Variants in CFAP47 observed in about 807,000 individuals in gnomAD.
CFAP47 encodes the protein cilia and flagella associated protein 47, also known as cilia- and flagella-associated protein 47.
A neutral mutation model predicts 148.1 loss-of-function variants in CFAP47; 29 were observed. The ratio of observed to expected loss-of-function variants is 0.20; its 90% CI spans 0.15 to 0.27. The LOEUF is 0.27. Ranked by LOEUF, CFAP47 falls within the 10% of genes least tolerant of loss-of-function variation. The pLI is 1.00. For missense variants in CFAP47, 1,872 were observed against 1,697.5 expected, an observed-to-expected ratio of 1.10 and a Z score of -1.81; for synonymous variants, 664 against 577.3, an observed-to-expected ratio of 1.15 and a Z score of -2.15.
At chrX:36,181,085 T>A (rs1351649518) in intron 40 of CFAP47, among the ~76,000 whole-genome samples, 1 of 112,027 alleles carries the variant, frequency 8.9e-6, no homozygotes, top group Non-Finnish European at 1.9e-5. Flanking sequence ...TCACTTTAAT[T>A]GTGTAAAATT....
intron 39 of CFAP47, among the ~76,000 whole-genome samples, chrX:36,170,387 G>T (rs983563697): frequency 2.9e-4 from 32 of 110,488 alleles, no homozygotes; most frequent in Non-Finnish European, 5.3e-4. Context: ...ATGCTGGTGC[G>T]CTGCACCCAC....
intron 29 of CFAP47, among the ~76,000 whole-genome samples, chrX:36,084,265 C>T (rs949101386): frequency 1.8e-5 from 2 of 111,012 alleles, no homozygotes; most frequent in African/African-American, 6.5e-5. Context: ...GCTTATTGTT[C>T]ATTTTAGTTT....
At chrX:36,096,637 C>CT (rs1026635440) in intron 30 of CFAP47, among the ~76,000 whole-genome samples, 3 of 109,633 alleles carry the variant, frequency 2.7e-5, no homozygotes, top group Non-Finnish European at 3.8e-5. Context: ...TTGAAATCTA[C>CT]TTTTTTTTGA....
intron 57 of CFAP47, among the ~76,000 whole-genome samples, chrX:36,339,474 C>T (rs1556015400): frequency 9.0e-6 from 1 of 111,718 alleles, no homozygotes; most frequent in Non-Finnish European, 1.9e-5. Flanking sequence ...AGTTTCTTAA[C>T]AATGTTTTAA....
intron 49 of CFAP47, among the ~76,000 whole-genome samples, chrX:36,252,800 A>T (rs1159601403): frequency 8.9e-6 from 1 of 111,880 alleles, no homozygotes; most frequent in African/African-American, 3.2e-5. Context: ...AGTCATTCAG[A>T]ATTGGTATAA....
At chrX:36,340,060 C>T (rs1941640096) in intron 57 of CFAP47, among the ~76,000 whole-genome samples, 1 of 111,820 alleles carries the variant, frequency 8.9e-6, no homozygotes, top group Non-Finnish European at 1.9e-5. Context: ...CATTAGCTAG[C>T]TCTACGAAAG....
At chrX:36,024,554 A>C (rs1308093626) in intron 22 of CFAP47, among the ~76,000 whole-genome samples, 1 of 111,092 alleles carries the variant, frequency 9.0e-6, no homozygotes, top group African/African-American at 3.3e-5. Flanking sequence ...ACTGCCTTTC[A>C]ATTTTATCTA....
intron 48 of CFAP47, among the ~76,000 whole-genome samples, chrX:36,245,289 G>A (rs1940601131): frequency 9.0e-6 from 1 of 111,558 alleles, no homozygotes; most frequent in African/African-American, 3.3e-5. Flanking sequence ...AGCCAAGGAT[G>A]CCAAATTTCA....
At chrX:36,163,530 TA>T (rs1285499224) in intron 39 of CFAP47, among the ~76,000 whole-genome samples, 1 of 111,557 alleles carries the variant, frequency 9.0e-6, no homozygotes, top group African/African-American at 3.3e-5. Context: ...CATTTTTATC[TA>T]CATATTTCTC....
At chrX:36,234,245 G>C (rs1426438916) in intron 46 of CFAP47, among the ~76,000 whole-genome samples, 1 of 110,523 alleles carries the variant, frequency 9.0e-6, no homozygotes, top group Non-Finnish European at 1.9e-5. Flanking sequence ...GTCACTTTCA[G>C]GTACACCAAT....
chrX:36,010,511 G>A (rs1937027300), intron 21 of CFAP47, among the ~76,000 whole-genome samples: 1 of 104,889 alleles, frequency 9.5e-6, no homozygotes, highest in African/African-American at 3.5e-5. Context: ...AGGCTGGAGT[G>A]CAGTGGCATG....
chrX:36,228,451 T>G (rs138312780), intron 45 of CFAP47, among the ~76,000 whole-genome samples, 177 bp from the exon 46 acceptor site: 1,548 of 111,169 alleles, frequency 0.014, 26 homozygotes, highest in African/African-American at 0.048. Flanking sequence ...TATACTCTAA[T>G]TGATAAATAA....
chrX:36,144,245 T>G (rs765504471), intron 35 of CFAP47, among the ~76,000 whole-genome samples: 34 of 111,215 alleles, frequency 3.1e-4, no homozygotes, highest in African/African-American at 1.1e-3. Context: ...ATTTCTAGAG[T>G]GTAGTGTTCT....
chrX:36,342,930 T>A (rs1274123939), intron 57 of CFAP47, among the ~76,000 whole-genome samples: 1 of 111,279 alleles, frequency 9.0e-6, no homozygotes, highest in Non-Finnish European at 1.9e-5. Context: ...CCCACATGCA[T>A]TAGATATTTG....
chrX:36,344,814 TA>T (rs782409903), intron 57 of CFAP47, among the ~76,000 whole-genome samples: 1 of 112,238 alleles, frequency 8.9e-6, no homozygotes, highest in African/African-American at 3.2e-5. Context: ...TTGCTGTTTT[TA>T]TCTGAACATA....
chrX:36,138,379 G>A lies in CFAP47; in HGVS notation c.5450G>A (p.Arg1817Gln), dbSNP rs1939081905. The change falls in exon 35 of 64, where the codon CGA (arginine) becomes CAA (glutamine). Residue 1817 changes from arginine to glutamine, a missense_variant. Physicochemically the swap from Arg to Gln is conservative, Grantham distance 43. Coordinates refer to ENST00000378653, the MANE Select transcript of CFAP47 (RefSeq NM_001304548.2). The stretch of plus-strand genomic sequence containing the variant: ...TCTCATTTTATAAATATGTACACAC[G>A]ACCAAAAAGTCCTGAAGAGTATCTG... ...IESHFINMYT[R>Q]PKSPEEYLHN... 4.4e-6 allele frequency: 5 copies of A among 1,147,298 alleles called. No individual in the cohort carries two copies. The highest frequency in any genetic ancestry group is 3.2e-5 in the East Asian group (1 of 30,845). 94.6% of individuals were successfully genotyped at this position (1,147,298 alleles called of 1,213,427 possible).
At chrX:35,974,956 G>C (rs1406141467) in intron 13 of CFAP47, among the ~76,000 whole-genome samples, 191 bp from the exon 14 acceptor site, 2 of 110,884 alleles carry the variant, frequency 1.8e-5, no homozygotes, top group African/African-American at 6.5e-5. Flanking sequence ...AGCCAATAAT[G>C]TCCAAACATT....
intron 61 of CFAP47, among the ~76,000 whole-genome samples, chrX:36,364,238 C>A (rs1336799308): frequency 9.0e-6 from 1 of 110,665 alleles, no homozygotes; most frequent in Non-Finnish European, 1.9e-5. Context: ...GACTCAGCAA[C>A]TTCTCATTAA....
intron 22 of CFAP47, among the ~76,000 whole-genome samples, chrX:36,018,240 A>T (rs1021248869): frequency 4.5e-5 from 5 of 111,900 alleles, no homozygotes; most frequent in African/African-American, 1.6e-4. Flanking sequence ...TGAATTTGTC[A>T]TTTATAATAT....
Sources: allele counts gnomAD v4.1 joint callset (sites outside exome capture counted in the v4.1 genomes callset), GRCh38; gene constraint gnomAD v4.1.1; transcripts MANE v1.5; gene names NCBI Gene and HGNC (gene_info 2026-07-23, HGNC 2026-07-21).